The following GRIK4 variants were observed in gnomAD, a reference collection of about 807,000 sequenced individuals.
GRIK4 encodes the protein glutamate receptor ionotropic, kainate 4.
A neutral mutation model predicts 104.9 loss-of-function variants in GRIK4; 40 were observed. That is an observed-to-expected ratio of 0.38 (90% CI 0.30 to 0.50). The LOEUF (loss-of-function observed/expected upper bound fraction) is 0.50. Ranked by LOEUF, GRIK4 falls within the 20% of genes least tolerant of loss-of-function variation. GRIK4 has a pLI of 0.93. For synonymous variants in GRIK4, 485 were observed against 524.9 expected (o/e 0.92, Z 1.04); for missense variants, 1,047 against 1,308.1 (o/e 0.80, Z 3.08).
intron 1 of GRIK4, among the ~76,000 whole-genome samples, chr11:120,622,543 A>G (rs929617872): frequency 2.0e-5 from 3 of 152,244 alleles, no homozygotes; most frequent in Non-Finnish European, 4.4e-5. Flanking sequence ...AATACTTTGT[A>G]CTGCATGCCC....
chr11:120,684,801 C>T (rs1275971697), intron 3 of GRIK4, among the ~76,000 whole-genome samples: 3 of 152,164 alleles, frequency 2.0e-5, no homozygotes, highest in Non-Finnish European at 2.9e-5. Flanking sequence ...AGCTCCGCCT[C>T]CCGGCTTCAC....
Position 120,776,082 on chromosome 11 carries a change from G to A in GRIK4, c.83-26611G>A, listed in dbSNP as rs117699325. On this transcript the variant is annotated intron_variant, in intron 3 of 20. Coordinates refer to ENST00000527524, the MANE Select transcript of GRIK4 (RefSeq NM_014619.5). ...GTTAATAACACTTAATAAATGTGGC[G>A]GAGAAAGGTCAGCCTCCCAGTGTTG... 3.7e-3 allele frequency among the ~76,000 whole-genome samples: 564 copies of A among 152,278 alleles called. 1 individual carries two copies. The highest frequency in any genetic ancestry group is 6.0e-3 in the Non-Finnish European group (408 of 68,004).
chr11:120,702,555 G>T lies in GRIK4; in HGVS notation c.82+42155G>T, dbSNP rs1258518225. Among the ~76,000 whole-genome samples, 4 of 152,194 alleles carry T rather than the reference G, an allele frequency of 2.6e-5. No individual in the cohort carries two copies. The East Asian group carries it at 7.7e-4, about 29-fold the overall frequency. On this transcript the variant is annotated intron_variant, in intron 3 of 20. Coordinates refer to ENST00000527524, the MANE Select transcript of GRIK4 (RefSeq NM_014619.5). ...AAGAGGACAAGGACAGAGCTCGGGGGTGCTTTGAACTGAAGAGGTCAGAGG... is the reference window on the plus strand; with the variant it reads ...AAGAGGACAAGGACAGAGCTCGGGGTTGCTTTGAACTGAAGAGGTCAGAGG...
rs1214982060 is a variant in GRIK4, at chr11:120,953,416, G to GACTGGGGGC, written c.1700+462_1700+470dup. The stretch of plus-strand genomic sequence containing the variant: ...ACAAGGAACAGAGCCTGCAAATCTG[G>GACTGGGGGC]ACTGGGGGCACTGGGGGCTGCAGTG... On this transcript the variant is annotated intron_variant, in intron 15 of 20. Transcript: ENST00000527524. The surrounding 1 kb of genome is among the most constrained non-coding windows in gnomAD (Gnocchi z 4.9). Among the ~76,000 whole-genome samples, 11 of 152,180 alleles carry GACTGGGGGC rather than the reference G, an allele frequency of 7.2e-5. No homozygotes were observed. Among genetic ancestry groups the GACTGGGGGC allele is most frequent in the African/African-American group, 2.7e-4 (11 of 41,430 alleles).
At chr11:120,891,456 G>C (rs565966506) in intron 11 of GRIK4, among the ~76,000 whole-genome samples, 2 of 152,346 alleles carry the variant, frequency 1.3e-5, no homozygotes, top group African/African-American at 4.8e-5. Context: ...TGTGACTTTG[G>C]GGACATTCAT....
chr11:120,834,828 AG>A (rs1953530239), intron 7 of GRIK4, among the ~76,000 whole-genome samples: 1 of 152,226 alleles, frequency 6.6e-6, no homozygotes, highest in Non-Finnish European at 1.5e-5. Context: ...TTTTATCTCT[AG>A]GACAGCAGAT....
chr11:120,814,964 G>A (rs1170668429), intron 4 of GRIK4, among the ~76,000 whole-genome samples: 1 of 152,164 alleles, frequency 6.6e-6, no homozygotes, highest in African/African-American at 2.4e-5. Context: ...CCTTCTCCCA[G>A]ACTCTCTTTA....
intron 19 of GRIK4, among the ~76,000 whole-genome samples, chr11:120,981,582 G>A (rs1944653305): frequency 6.6e-6 from 1 of 152,092 alleles, no homozygotes; most frequent in East Asian, 1.9e-4. Context: ...TCGTTTGGTG[G>A]GATAAAAAGT....
intron 12 of GRIK4, among the ~76,000 whole-genome samples, chr11:120,904,658 T>C (rs2134505434): frequency 6.6e-6 from 1 of 152,364 alleles, no homozygotes; most frequent in African/African-American, 2.4e-5. Context: ...CAACCTGTGC[T>C]CCGGCTACCC....
At chr11:120,729,086 A>G (rs1951083028) in intron 3 of GRIK4, among the ~76,000 whole-genome samples, 1 of 152,194 alleles carries the variant, frequency 6.6e-6, no homozygotes, top group Non-Finnish European at 1.5e-5. Flanking sequence ...TGTTGCAAAT[A>G]ATATTATCTC....
chr11:120,617,859 A>G (rs756037458), intron 1 of GRIK4, among the ~76,000 whole-genome samples: 2 of 152,196 alleles, frequency 1.3e-5, no homozygotes, highest in Non-Finnish European at 2.9e-5. Context: ...TCTTTTCATC[A>G]TAAATTACCC....
chr11:120,803,530 C>T (rs1467140210), intron 4 of GRIK4, among the ~76,000 whole-genome samples: 5 of 152,098 alleles, frequency 3.3e-5, no homozygotes, highest in Non-Finnish European at 5.9e-5. Context: ...CTCTGCCTCC[C>T]GCGTTCAAGT....
chr11:120,966,044 C>T (rs78023698), intron 18 of GRIK4, among the ~76,000 whole-genome samples: 4,921 of 152,244 alleles, frequency 0.032, 268 homozygotes, highest in African/African-American at 0.11. Flanking sequence ...TTGAGCTTTC[C>T]GTGGTTTCAC....
rs1010518437 is a variant in GRIK4, at chr11:120,874,102, G to A, written c.943G>A (p.Val315Met). 3 of 1,613,802 alleles carry A rather than the reference G, an allele frequency of 1.9e-6. No individual in the cohort carries two copies. Among genetic ancestry groups the A allele is most frequent in the African/African-American group, 2.7e-5 (2 of 75,002 alleles). ...SALLFDAVYA[V>M]VTAVQELNRS... ...CCTGCTGTTTGATGCTGTCTATGCT[G>A]TGGTGACTGCGGTGCAGGAACTGAA... Residue 315 changes from valine to methionine, a missense_variant, in exon 10 of 21, where the codon GTG becomes ATG. This residue lies in a region of GRIK4 where 447 missense variants were observed against 514.9 expected (regional missense o/e 0.87). Transcript: ENST00000527524.
chr11:120,834,852 G>A (rs1416061849), intron 7 of GRIK4, among the ~76,000 whole-genome samples: 1 of 152,194 alleles, frequency 6.6e-6, no homozygotes, highest in Non-Finnish European at 1.5e-5. Flanking sequence ...CACAAAGCGG[G>A]TTTTAGCTCC....
At chr11:120,669,838 TAGGGCTTTAA>T (rs1949985333) in intron 3 of GRIK4, among the ~76,000 whole-genome samples, 1 of 152,240 alleles carries the variant, frequency 6.6e-6, no homozygotes, top group Non-Finnish European at 1.5e-5. Flanking sequence ...CATGCAGTCT[TAGGGCTTTAA>T]AGCATCAATA....
intron 8 of GRIK4, among the ~76,000 whole-genome samples, chr11:120,842,658 C>G (rs934415638): frequency 1.3e-5 from 2 of 152,230 alleles, no homozygotes; most frequent in Non-Finnish European, 2.9e-5. Flanking sequence ...TTCCCGTGTT[C>G]TCTTACCCGA....
intron 1 of GRIK4, among the ~76,000 whole-genome samples, chr11:120,600,417 T>TGGCA (rs1263768383): frequency 2.0e-5 from 3 of 152,352 alleles, no homozygotes; most frequent in African/African-American, 7.2e-5. Flanking sequence ...GCTGCCTGAA[T>TGGCA]GGCAGCCTTT....
chr11:120,521,669 T>C (rs975059179), intron 1 of GRIK4, among the ~76,000 whole-genome samples: 2 of 152,212 alleles, frequency 1.3e-5, no homozygotes, highest in Admixed American at 1.3e-4. Flanking sequence ...ACACCTGCTA[T>C]TCCCAAGGTA....
Sources: gnomAD v4.1 joint callset for allele counts (sites outside exome capture counted in the v4.1 genomes callset) on GRCh38, gnomAD v4.1.1 for gene constraint, gnomAD v4.1.1 regional missense constraint, Gnocchi (gnomAD v3.1) non-coding constraint, MANE v1.5 for transcripts, NCBI Gene and HGNC (gene_info 2026-07-23, HGNC 2026-07-21) for gene names.